PALM2AKAP2: variants seen among roughly 807,000 people sequenced by gnomAD.
PALM2AKAP2 encodes PALM2 and AKAP2 fusion.
A neutral mutation model predicts 71.5 loss-of-function variants in PALM2AKAP2; 37 were observed. That is an observed-to-expected ratio of 0.52 (90% CI 0.40 to 0.68). The LOEUF (loss-of-function observed/expected upper bound fraction) is 0.68. PALM2AKAP2 is among the 30% of genes least tolerant of loss of function. The probability of loss-of-function intolerance (pLI) is 0.00; values close to 1 mark genes in which losing one functional copy is unlikely to be tolerated. For missense variants in PALM2AKAP2, 1,224 were observed against 1,191.8 expected, an observed-to-expected ratio of 1.03 and a Z score of -0.40; for synonymous variants, 468 against 478.8, an observed-to-expected ratio of 0.98 and a Z score of 0.29.
rs780179422 is a variant in PALM2AKAP2, at chr9:109,654,949, T to A, written c.5+14083T>A. On this transcript the variant is annotated intron_variant, in intron 1 of 6. Coordinates refer to the PALM2AKAP2 transcript ENST00000374531. ...AAATCCCCAATTTTCTGGAAAAGCT[T>A]TGGCACTTGTTACTCTCTCCCCACA... 5.3e-5 allele frequency among the ~76,000 whole-genome samples: 8 copies of A among 152,126 alleles called. No individual in the cohort carries two copies. In the South Asian group the frequency reaches 1.7e-3, roughly 31 times the overall value.
chr9:110,101,763 A>G lies in PALM2AKAP2; in HGVS notation c.157-34364A>G, dbSNP rs1481526729. Among the ~76,000 whole-genome samples the G allele has an allele frequency of 2.0e-5, 3 of 152,220 alleles. No homozygotes were observed. In the East Asian group the frequency reaches 5.8e-4, roughly 29 times the overall value. On this transcript the variant is annotated intron_variant, in intron 1 of 3. Coordinates refer to ENST00000374525, the Ensembl canonical transcript of PALM2AKAP2. Reference sequence around the variant, plus strand: ...TGCTTGCATGCTTTCAAATGTAAGTAAGGGAATTTCAGCTGAGGTTAATCT... The same window carrying G: ...TGCTTGCATGCTTTCAAATGTAAGTGAGGGAATTTCAGCTGAGGTTAATCT...
intron 1 of PALM2AKAP2, among the ~76,000 whole-genome samples, chr9:109,852,539 G>A (rs1829050649): frequency 6.6e-6 from 1 of 152,008 alleles, no homozygotes; most frequent in South Asian, 2.1e-4. Context: ...TTATCCTTTG[G>A]GTATATATCA....
chr9:109,928,046 C>T (rs1830995796), intron 5 of PALM2AKAP2, among the ~76,000 whole-genome samples: 1 of 152,200 alleles, frequency 6.6e-6, no homozygotes, highest in African/African-American at 2.4e-5. Context: ...TCAAAACCTT[C>T]ATACCAGTTA....
intron 7 of PALM2AKAP2, among the ~76,000 whole-genome samples, chr9:110,035,692 G>T (rs1470299640): frequency 3.1e-4 from 26 of 82,614 alleles, no homozygotes; most frequent in Admixed American, 6.6e-4. Context: ...AACATATATA[G>T]GATATGTTGT....
exon 3 of PALM2AKAP2, chr9:110,156,451 A>G (rs1456140261): frequency 2.5e-6 from 4 of 1,611,954 alleles, no homozygotes; most frequent in Admixed American, 1.7e-5. Flanking sequence ...ATGGAAGACT[A>G]TGAGACACAC....
At chr9:109,822,451 T>A (rs150314406) in intron 1 of PALM2AKAP2, among the ~76,000 whole-genome samples, 133 of 152,310 alleles carry the variant, frequency 8.7e-4, no homozygotes, top group African/African-American at 3.0e-3. Flanking sequence ...CACGGGGGGT[T>A]GGTGTACAGA....
intron 1 of PALM2AKAP2, among the ~76,000 whole-genome samples, chr9:109,696,607 A>G (rs1294436361): frequency 1.3e-5 from 2 of 152,206 alleles, no homozygotes; most frequent in African/African-American, 2.4e-5. Context: ...GTTGGTACAC[A>G]TATACAAAGA....
At position 109,700,362 on chromosome 9, in the gene PALM2AKAP2, GT is replaced by G. The variant is rs1485260041; in HGVS notation, c.5+59497del. On this transcript the variant is annotated intron_variant, in intron 1 of 6. Coordinates refer to the PALM2AKAP2 transcript ENST00000374531. The stretch of plus-strand genomic sequence containing the variant: ...CACATACTCTCTTGCCTGCTATCAT[GT>G]AAGACGTGACTTTGCTCCTCCTTCG... 2.3e-4 allele frequency among the ~76,000 whole-genome samples: 35 copies of G among 152,270 alleles called. 1 individual carries two copies. Among genetic ancestry groups the G allele is most frequent in the Middle Eastern group, 6.8e-3 (2 of 294 alleles).
intron 1 of PALM2AKAP2, among the ~76,000 whole-genome samples, chr9:109,723,705 G>A (rs1043248875): frequency 6.6e-6 from 1 of 152,196 alleles, no homozygotes; most frequent in African/African-American, 2.4e-5. Context: ...AACTAATTCA[G>A]TATGGCTGAA....
At chr9:109,713,091 C>T (rs531826403) in intron 1 of PALM2AKAP2, among the ~76,000 whole-genome samples, 85 of 152,290 alleles carry the variant, frequency 5.6e-4, no homozygotes, top group East Asian at 1.5e-3. Context: ...GTCTCTTAGA[C>T]GAAGATCAGG....
chr9:109,995,712 G>T (rs1484231555), intron 6 of PALM2AKAP2, among the ~76,000 whole-genome samples: 1 of 152,188 alleles, frequency 6.6e-6, no homozygotes, highest in East Asian at 1.9e-4. Flanking sequence ...CTCCCACCAG[G>T]TCCCTCCCAT....
intron 1 of PALM2AKAP2, among the ~76,000 whole-genome samples, chr9:110,061,209 C>T (rs1324916786): frequency 6.6e-6 from 1 of 152,198 alleles, no homozygotes; most frequent in Non-Finnish European, 1.5e-5. Context: ...AATCATTGTA[C>T]AACTGACTTG....
intron 1 of PALM2AKAP2, among the ~76,000 whole-genome samples, chr9:109,770,933 C>T (rs62578128): frequency 0.043 from 6,573 of 152,248 alleles, 191 homozygotes; most frequent in Middle Eastern, 0.088. Context: ...TATTGTATTT[C>T]CCATTTTACA....
At chr9:110,127,517 A>G (rs1835635937) in intron 1 of PALM2AKAP2, 1 of 152,236 alleles carries the variant, frequency 6.6e-6, no homozygotes, top group South Asian at 2.1e-4. Flanking sequence ...ACAGGACTGG[A>G]ATGTGGCCCA....
At chr9:109,688,562 G>C (rs1000339674) in intron 1 of PALM2AKAP2, among the ~76,000 whole-genome samples, 1 of 152,250 alleles carries the variant, frequency 6.6e-6, no homozygotes, top group Non-Finnish European at 1.5e-5. Flanking sequence ...GGAAACACCA[G>C]GTTGGATGTC....
chr9:109,925,976 G>A (rs138791972), intron 5 of PALM2AKAP2, among the ~76,000 whole-genome samples: 28 of 152,314 alleles, frequency 1.8e-4, no homozygotes, highest in Middle Eastern at 3.4e-3. Context: ...GAAGACTGAT[G>A]TGGGAGGATC....
At chr9:109,865,469 G>A (rs1202365670) in intron 1 of PALM2AKAP2, among the ~76,000 whole-genome samples, 1 of 151,982 alleles carries the variant, frequency 6.6e-6, no homozygotes, top group African/African-American at 2.4e-5. Flanking sequence ...CAGTTACAGT[G>A]ATCACCAATG....
intron 1 of PALM2AKAP2, among the ~76,000 whole-genome samples, chr9:110,064,832 G>A (rs1311443210): frequency 6.6e-6 from 1 of 152,204 alleles, no homozygotes. Flanking sequence ...AATGATGGAT[G>A]CCTGGACTTG....
chr9:110,053,052 T>C (rs1833743337), intron 1 of PALM2AKAP2, among the ~76,000 whole-genome samples: 1 of 152,214 alleles, frequency 6.6e-6, no homozygotes, highest in South Asian at 2.1e-4. Flanking sequence ...TGGGTTCCTT[T>C]TTCCTGTTGA....
Sources: allele counts gnomAD v4.1 joint callset (sites outside exome capture counted in the v4.1 genomes callset), GRCh38; gene constraint gnomAD v4.1.1; transcripts MANE v1.5; gene names NCBI Gene and HGNC (gene_info 2026-07-23, HGNC 2026-07-21).